SHROOM4: variants seen among roughly 807,000 people sequenced by gnomAD.
The protein encoded by SHROOM4 is protein Shroom4.
SHROOM4 carries 17 observed loss-of-function variants against 80.3 expected under a neutral mutation model. The ratio of observed to expected loss-of-function variants is 0.21; its 90% CI spans 0.14 to 0.32. SHROOM4 has a LOEUF of 0.32. SHROOM4 is among the 10% of genes least tolerant of loss of function. The pLI, the probability that SHROOM4 is intolerant of heterozygous loss-of-function variation, is 1.00. For synonymous variants in SHROOM4, 400 were observed against 437.5 expected, an observed-to-expected ratio of 0.91 and a Z score of 1.07; for missense variants, 993 against 1,140.3, an observed-to-expected ratio of 0.87 and a Z score of 1.86.
At chrX:50,718,157 C>T (rs924025362) in intron 1 of SHROOM4, among the ~76,000 whole-genome samples, 1 of 111,725 alleles carries the variant, frequency 9.0e-6, no homozygotes, top group Non-Finnish European at 1.9e-5. Flanking sequence ...AGCCACTTGT[C>T]CCTACTCTCA....
intron 1 of SHROOM4, among the ~76,000 whole-genome samples, chrX:50,749,895 C>T (rs1326581534): frequency 9.0e-6 from 1 of 111,435 alleles, no homozygotes; most frequent in Non-Finnish European, 1.9e-5. Flanking sequence ...CTGGGCTGTG[C>T]GCTTGCCACT....
At chrX:50,759,513 C>A (rs1935105348) in intron 1 of SHROOM4, among the ~76,000 whole-genome samples, 1 of 111,985 alleles carries the variant, frequency 8.9e-6, no homozygotes, top group Non-Finnish European at 1.9e-5. Context: ...AACTTTTGGT[C>A]TCATCGATTT....
chrX:50,648,871 A>G (rs1335237452), intron 2 of SHROOM4, among the ~76,000 whole-genome samples: 1 of 112,430 alleles, frequency 8.9e-6, no homozygotes, highest in Non-Finnish European at 1.9e-5. Flanking sequence ...CCAATAAGCA[A>G]GAGAGAGCCC....
At chrX:50,801,344 C>G (rs1936118427) in intron 1 of SHROOM4, among the ~76,000 whole-genome samples, 1 of 107,894 alleles carries the variant, frequency 9.3e-6, no homozygotes, top group Admixed American at 1.0e-4. Flanking sequence ...TTTTCTGGGG[C>G]CTGTTCCAGA....
intron 5 of SHROOM4, among the ~76,000 whole-genome samples, chrX:50,610,645 C>T (rs782306682): frequency 9.0e-6 from 1 of 110,938 alleles, no homozygotes; most frequent in Non-Finnish European, 1.9e-5. Context: ...GTTTCTAGTG[C>T]CTGGCACACA....
intron 1 of SHROOM4, among the ~76,000 whole-genome samples, chrX:50,750,217 G>A (rs1336717863): frequency 1.8e-5 from 2 of 112,019 alleles, no homozygotes; most frequent in African/African-American, 3.2e-5. Context: ...AGGCCCATGC[G>A]TTTCCAGCAG....
intron 5 of SHROOM4, among the ~76,000 whole-genome samples, chrX:50,611,480 G>A (rs1929990787): frequency 1.0e-5 from 1 of 98,944 alleles, no homozygotes; most frequent in Non-Finnish European, 2.1e-5. Context: ...AAAATCTTTA[G>A]CATGTAGAAA....
intron 2 of SHROOM4, among the ~76,000 whole-genome samples, chrX:50,659,181 C>A (rs1192771897): frequency 9.0e-6 from 1 of 111,537 alleles, no homozygotes; most frequent in African/African-American, 3.3e-5. Context: ...ACAGTAAGGC[C>A]AGACAGGCAA....
chrX:50,576,664 C>A, the SHROOM4 span, among the ~76,000 whole-genome samples: 5 of 110,555 alleles, frequency 4.5e-5, no homozygotes, highest in Non-Finnish European at 9.5e-5. Context: ...TTTCATTTCT[C>A]TGTTTTATTT....
At chrX:50,664,902 A>C (rs1008582075) in intron 2 of SHROOM4, among the ~76,000 whole-genome samples, 4 of 108,029 alleles carry the variant, frequency 3.7e-5, no homozygotes, top group African/African-American at 1.4e-4. Context: ...AAAACACACA[A>C]CACACCACAC....
At chrX:50,780,588 G>GACTA (rs1935605616) in intron 1 of SHROOM4, among the ~76,000 whole-genome samples, 1 of 111,714 alleles carries the variant, frequency 9.0e-6, no homozygotes, top group Non-Finnish European at 1.9e-5. Flanking sequence ...ATATGGGTTA[G>GACTA]TAGCAACCCT....
intron 1 of SHROOM4, among the ~76,000 whole-genome samples, chrX:50,794,581 A>G (rs1201075857): frequency 9.2e-6 from 1 of 108,420 alleles, no homozygotes; most frequent in Non-Finnish European, 1.9e-5. Context: ...CACTCAAAAA[A>G]CTGTCCCTCC....
intron 1 of SHROOM4, among the ~76,000 whole-genome samples, chrX:50,806,460 T>C (rs1342698086): frequency 5.3e-5 from 6 of 112,330 alleles, no homozygotes; most frequent in Non-Finnish European, 1.1e-4. Context: ...ATTTTTCCAC[T>C]TGGCCTATTT....
chrX:50,576,016 G>T, the SHROOM4 span, among the ~76,000 whole-genome samples: 1 of 111,822 alleles, frequency 8.9e-6, no homozygotes. Flanking sequence ...AGGCCTTCCA[G>T]TGTCTTTAGG....
intron 2 of SHROOM4, among the ~76,000 whole-genome samples, chrX:50,641,917 C>T (rs1252635352): frequency 8.9e-6 from 1 of 112,423 alleles, no homozygotes; most frequent in Non-Finnish European, 1.9e-5. Context: ...TGGCTGGCCC[C>T]TTACTCTTTC....
Position 50,592,162 on chromosome X carries a change from T to C in SHROOM4, c.*4533A>G, listed in dbSNP as rs1335798093. 3 of 329,192 alleles carry C rather than the reference T, an allele frequency of 9.1e-6. No homozygotes were observed. The highest frequency in any genetic ancestry group is 1.8e-5 in the Non-Finnish European group (3 of 169,974). 27.1% of individuals were successfully genotyped at this position (329,192 alleles called of 1,213,427 possible). A position where few individuals can be genotyped will look rare whatever the true frequency, so the allele number is the denominator to read the frequency against. ...GAATATGCCTGGGATAAGGAAAAAA[T>C]GAATTGAGTAGATCAGGACTATAAT... On this transcript the variant is annotated 3_prime_UTR_variant, in exon 9 of 9. Coordinates refer to ENST00000376020, the MANE Select transcript of SHROOM4 (RefSeq NM_020717.5).
intron 1 of SHROOM4, among the ~76,000 whole-genome samples, chrX:50,799,489 C>T (rs1936076452): frequency 9.0e-6 from 1 of 110,941 alleles, no homozygotes; most frequent in Non-Finnish European, 1.9e-5. Context: ...GAGATTAGAC[C>T]CCATTTGGAA....
At chrX:50,763,261 A>G (rs1935197801) in intron 1 of SHROOM4, among the ~76,000 whole-genome samples, 1 of 110,259 alleles carries the variant, frequency 9.1e-6, no homozygotes, top group Admixed American at 9.7e-5. Context: ...TTCTCTCTTT[A>G]TTATCTCTTT....
rs1928780098 is a variant in SHROOM4 at position 50,587,432 on chromosome X, C to G, written c.*9263G>C. Among the ~76,000 whole-genome samples, 1 of 112,128 alleles carries G rather than the reference C, an allele frequency of 8.9e-6. No homozygotes were observed. The highest frequency in any genetic ancestry group is 1.9e-5 in the Non-Finnish European group (1 of 53,193). On this transcript the variant is annotated 3_prime_UTR_variant, in exon 9 of 9. Transcript: ENST00000376020. Reference sequence around the variant, plus strand: ...TCAGTATCTCGAAGAGATATCTGCACTCTCATGTTCACTGAAACATTATTC... The same window carrying G: ...TCAGTATCTCGAAGAGATATCTGCAGTCTCATGTTCACTGAAACATTATTC...
Sources: gnomAD v4.1 joint callset for allele counts (sites outside exome capture counted in the v4.1 genomes callset) on GRCh38, gnomAD v4.1.1 for gene constraint, MANE v1.5 for transcripts, NCBI Gene and HGNC (gene_info 2026-07-23, HGNC 2026-07-21) for gene names.